The following TUBB8B variants were observed in gnomAD, a reference collection of about 807,000 sequenced individuals.
TUBB8B encodes tubulin beta 8B.
Under a neutral mutation model 31.9 loss-of-function variants are expected in TUBB8B, and 26 were observed. The observed-to-expected ratio is 0.81, with a 90% CI of 0.60 to 1.13. The LOEUF (loss-of-function observed/expected upper bound fraction) is 1.13. TUBB8B is among the 50% of genes most tolerant of loss of function. The pLI, the probability that TUBB8B is intolerant of heterozygous loss-of-function variation, is 0.00. For missense variants in TUBB8B, 467 were observed against 586.7 expected (o/e 0.80, Z 2.11); for synonymous variants, 173 against 231.0 (o/e 0.75, Z 2.28).
the TUBB8B span, among the ~76,000 whole-genome samples, chr18:66,610 A>G: frequency 6.6e-6 from 1 of 152,164 alleles, no homozygotes; most frequent in African/African-American, 2.4e-5. Context: ...TGAACTCAAA[A>G]TTCAGTTCTA....
rs1413297856 is a variant in TUBB8B at position 48,946 on chromosome 18, T to C, written c.271A>G (p.Ile91Val). 12 of 1,590,856 alleles carry C rather than the reference T, an allele frequency of 7.5e-6. No individual in the cohort carries two copies. The highest frequency in any genetic ancestry group is 1.0e-5 in the Non-Finnish European group (12 of 1,160,542). Residue 91 changes from isoleucine to valine, a missense_variant, in exon 3 of 4, where the codon ATT becomes GTT. Around this residue, in one of 2 missense-constraint regions of TUBB8B, gnomAD observed 259 missense variants for 380.1 expected, o/e 0.68. Transcript: ENST00000308911. The stretch of plus-strand genomic sequence containing the variant: ...GTCCTCGCCCGCAGCTCACCGGAAA[T>C]GAAGTTGTCTGGCCTGAAGACCTGC... ...FGQVFRPDNF[I>V]SGQCGAGNNW...
At chr18:49,313 C>T (rs1224155530) in intron 1 of TUBB8B, 76 bp from the exon 2 acceptor site, 8 of 1,325,808 alleles carry the variant, frequency 6.0e-6, no homozygotes, top group East Asian at 2.6e-5. Flanking sequence ...CACCCCCACC[C>T]GCACCCCCAT....
chr18:58,154 CTT>C, the TUBB8B span, among the ~76,000 whole-genome samples: 9 of 124,818 alleles, frequency 7.2e-5, no homozygotes, highest in Admixed American at 8.1e-5. Flanking sequence ...TCAACACTTG[CTT>C]TTTTTTTTTT....
At chr18:61,406 C>T in the TUBB8B span, among the ~76,000 whole-genome samples, 1 of 151,352 alleles carries the variant, frequency 6.6e-6, no homozygotes, top group Non-Finnish European at 1.5e-5. Flanking sequence ...CATTCATCCA[C>T]TATTTGTCTT....
At chr18:69,895 G>T in the TUBB8B span, among the ~76,000 whole-genome samples, 4 of 152,230 alleles carry the variant, frequency 2.6e-5, no homozygotes, top group African/African-American at 9.6e-5. Flanking sequence ...AGTGGCTCAT[G>T]CCTGTAATCA....
the TUBB8B span, among the ~76,000 whole-genome samples, chr18:61,380 G>T: frequency 6.6e-6 from 1 of 151,224 alleles, no homozygotes; most frequent in African/African-American, 2.4e-5. Flanking sequence ...ACAGATTATT[G>T]TCTTGCTTCT....
upstream of TUBB8B, among the ~76,000 whole-genome samples, chr18:52,695 AG>A: frequency 6.6e-6 from 1 of 152,042 alleles, no homozygotes; most frequent in Non-Finnish European, 1.5e-5. Flanking sequence ...GCTGGAAAAG[AG>A]GGTCCTGATA....
the TUBB8B span, among the ~76,000 whole-genome samples, chr18:69,736 T>A: frequency 6.6e-6 from 1 of 152,220 alleles, no homozygotes; most frequent in Non-Finnish European, 1.5e-5. Context: ...AACAATTCCC[T>A]CAATTGAAAA....
the TUBB8B span, among the ~76,000 whole-genome samples, chr18:61,705 A>G: frequency 4.6e-5 from 7 of 151,358 alleles, no homozygotes; most frequent in Admixed American, 2.6e-4. Flanking sequence ...TTGCATAAAC[A>G]AAGAAACAAG....
At chr18:67,411 T>G in the TUBB8B span, among the ~76,000 whole-genome samples, 25 of 152,344 alleles carry the variant, frequency 1.6e-4, no homozygotes, top group African/African-American at 6.0e-4. Context: ...GCCACAATCC[T>G]AGCTCTTCAG....
At chr18:69,974 T>A in the TUBB8B span, among the ~76,000 whole-genome samples, 1 of 152,000 alleles carries the variant, frequency 6.6e-6, no homozygotes, top group Non-Finnish European at 1.5e-5. Flanking sequence ...ATGGCCAACA[T>A]GGCGAAACCC....
the TUBB8B span, among the ~76,000 whole-genome samples, chr18:67,611 C>T: frequency 2.0e-5 from 3 of 152,214 alleles, no homozygotes; most frequent in Non-Finnish European, 4.4e-5. Flanking sequence ...GGCATAATTA[C>T]TGTGATGGTT....
chr18:57,382 G>C, the TUBB8B span, among the ~76,000 whole-genome samples: 1 of 151,812 alleles, frequency 6.6e-6, no homozygotes, highest in Non-Finnish European at 1.5e-5. Context: ...CTAAAAAAAA[G>C]AGGCCACAGG....
chr18:66,804 A>G, the TUBB8B span, among the ~76,000 whole-genome samples: 2 of 152,116 alleles, frequency 1.3e-5, no homozygotes, highest in Non-Finnish European at 2.9e-5. Context: ...ATTTCTGCCA[A>G]AAGGACGTGG....
the TUBB8B span, among the ~76,000 whole-genome samples, chr18:63,357 T>C: frequency 6.6e-6 from 1 of 151,908 alleles, no homozygotes; most frequent in East Asian, 1.9e-4. Flanking sequence ...ACTGCTGTGG[T>C]GGCCTTGGAT....
At chr18:73,500 GCGGTTCGGACA>G in the TUBB8B span, 11 of 154,486 alleles carry the variant, frequency 7.1e-5, no homozygotes, top group Non-Finnish European at 1.0e-4. Flanking sequence ...ACGCCGCCGT[GCGGTTCGGACA>G]CGGTTCGCGC....
chr18:63,646 C>A, the TUBB8B span, among the ~76,000 whole-genome samples: 1 of 149,724 alleles, frequency 6.7e-6, no homozygotes, highest in Admixed American at 6.6e-5. Flanking sequence ...TAACCCCAAA[C>A]CCTAACCCTA....
chr18:59,432 G>A, the TUBB8B span, among the ~76,000 whole-genome samples: 1 of 151,244 alleles, frequency 6.6e-6, no homozygotes, highest in Non-Finnish European at 1.5e-5. Context: ...TTATTATGTT[G>A]AGATATGTTC....
chr18:51,493 G>C (rs1906103820), upstream of TUBB8B, among the ~76,000 whole-genome samples: 1 of 151,914 alleles, frequency 6.6e-6, no homozygotes, highest in Non-Finnish European at 1.5e-5. Context: ...AGGCTGGAGT[G>C]CATTATCATG....
Sources: allele counts gnomAD v4.1 joint callset (sites outside exome capture counted in the v4.1 genomes callset), GRCh38; gene constraint gnomAD v4.1.1; regional missense constraint gnomAD v4.1.1; transcripts MANE v1.5; gene names NCBI Gene and HGNC (gene_info 2026-07-23, HGNC 2026-07-21).